CAP2: variants seen among roughly 807,000 people sequenced by gnomAD.
CAP2 encodes adenylyl cyclase-associated protein 2.
A neutral mutation model predicts 57.7 loss-of-function variants in CAP2; 24 were observed. The ratio of observed to expected loss-of-function variants is 0.42; its 90% CI spans 0.30 to 0.58. The LOEUF is 0.58. Among genes scored for constraint, CAP2 ranks in the 20% least tolerant of loss-of-function variants. The pLI is 0.22. For missense variants in CAP2, 501 were observed against 590.3 expected (o/e 0.85, Z 1.57); for synonymous variants, 194 against 207.2 (o/e 0.94, Z 0.55).
At chr6:17,397,839 T>G (rs1353922069) in intron 1 of CAP2, among the ~76,000 whole-genome samples, 1 of 152,024 alleles carries the variant, frequency 6.6e-6, no homozygotes, top group Non-Finnish European at 1.5e-5. Context: ...TTACAAAGAA[T>G]GCTGCTTTGA....
At chr6:17,504,292 G>A (rs1196648018) in intron 4 of CAP2, among the ~76,000 whole-genome samples, 1 of 152,196 alleles carries the variant, frequency 6.6e-6, no homozygotes, top group Non-Finnish European at 1.5e-5. Flanking sequence ...AGGTACTGTT[G>A]TCAACCCTAG....
chr6:17,395,657 A>G (rs184648756), intron 1 of CAP2, among the ~76,000 whole-genome samples: 43 of 152,304 alleles, frequency 2.8e-4, no homozygotes, highest in African/African-American at 9.1e-4. Flanking sequence ...TATTTTGAGC[A>G]TTATGGAGTT....
At chr6:17,488,874 A>G (rs1420561059) in intron 4 of CAP2, among the ~76,000 whole-genome samples, 1 of 152,174 alleles carries the variant, frequency 6.6e-6, no homozygotes, top group Non-Finnish European at 1.5e-5. Flanking sequence ...GCTGCTTCAT[A>G]TCTGTTCCAC....
intron 7 of CAP2, among the ~76,000 whole-genome samples, chr6:17,535,762 A>G (rs6924070): frequency 0.19 from 29,275 of 152,098 alleles, 2,892 homozygotes; most frequent in South Asian, 0.27. Context: ...TCCCAGTAAT[A>G]TGGTTGTCAT....
intron 6 of CAP2, 98 bp downstream of exon 6, chr6:17,507,824 G>T: frequency 2.8e-6 from 2 of 719,212 alleles, no homozygotes; most frequent in South Asian, 3.2e-5. Flanking sequence ...CCTTTCCAAG[G>T]CTCTACACTA....
intron 3 of CAP2, among the ~76,000 whole-genome samples, chr6:17,462,208 C>G (rs571454078): frequency 6.6e-6 from 1 of 151,956 alleles, no homozygotes; most frequent in African/African-American, 2.4e-5. Context: ...ACTGACATCT[C>G]TCCTGGGCCC....
chr6:17,514,065 T>A, intron 7 of CAP2, 111 bp downstream of exon 7: 1 of 741,178 alleles, frequency 1.3e-6, no homozygotes, highest in Non-Finnish European at 2.3e-6. Flanking sequence ...AATGTAAGAT[T>A]AAATGTCCAT....
chr6:17,494,931 T>TTTTTG (rs757845125), intron 4 of CAP2, among the ~76,000 whole-genome samples: 18 of 152,130 alleles, frequency 1.2e-4, no homozygotes, highest in East Asian at 7.7e-4. Context: ...GAAATTGGGT[T>TTTTTG]TTTTGTTTTG....
In CAP2 at chr6:17,540,884, T is replaced by C. The variant is rs552584045; in HGVS notation, c.827-89T>C. On this transcript the variant is annotated intron_variant, in intron 8 of 12. Transcript: ENST00000229922. ...AAAGTGGCCTTACCAAAAGTTCTTG[T>C]GCTCTTTATTTACATCATGTTGATC... 3.0e-5 allele frequency: 39 copies of C among 1,300,150 alleles called. 1 individual carries two copies. In the South Asian group the frequency reaches 5.6e-4, roughly 19 times the overall value. The allele number at this position is 1,300,150 out of a possible 1,614,324, so 80.5% of individuals were successfully genotyped here.
At chr6:17,439,722 C>T (rs1426390184) in intron 3 of CAP2, among the ~76,000 whole-genome samples, 1 of 151,530 alleles carries the variant, frequency 6.6e-6, no homozygotes, top group East Asian at 1.9e-4. Flanking sequence ...AGGGTTCATG[C>T]TCCTATGAGA....
At position 17,493,885 on chromosome 6, in the gene CAP2, G is replaced by A. The variant is rs566218643; in HGVS notation, c.301-13284G>A. On this transcript the variant is annotated intron_variant, in intron 4 of 12. Coordinates refer to ENST00000229922, the MANE Select transcript of CAP2 (RefSeq NM_006366.3). Reference sequence around the variant, plus strand: ...GCAGCCGAAACAGTACGTCTAAATCGGAATTCCTGGTCTTTGCGCTAAAGC... The same window carrying A: ...GCAGCCGAAACAGTACGTCTAAATCAGAATTCCTGGTCTTTGCGCTAAAGC... 9.2e-5 allele frequency among the ~76,000 whole-genome samples: 14 copies of A among 152,028 alleles called. No homozygotes were observed. In the South Asian group the frequency reaches 2.7e-3, roughly 29 times the overall value.
chr6:17,549,471 AAAAG>A (rs1026594797), intron 11 of CAP2, among the ~76,000 whole-genome samples: 18 of 152,202 alleles, frequency 1.2e-4, no homozygotes, highest in East Asian at 3.8e-4. Context: ...TCTTCAAAAA[AAAAG>A]AAAGAAAGAA....
intron 1 of CAP2, among the ~76,000 whole-genome samples, chr6:17,407,964 G>T (rs1283583976): frequency 6.6e-6 from 1 of 151,990 alleles, no homozygotes; most frequent in African/African-American, 2.4e-5. Context: ...CTTAAGAACT[G>T]ATCTTTAGGG....
chr6:17,534,466 AG>A (rs1387576626), intron 7 of CAP2, among the ~76,000 whole-genome samples: 1 of 152,208 alleles, frequency 6.6e-6, no homozygotes, highest in African/African-American at 2.4e-5. Context: ...CATCTCAGTC[AG>A]GTTCCTGGGC....
Position 17,539,391 on chromosome 6 carries a change from A to G in CAP2, c.759A>G (p.Lys253=). Residue 253 remains lysine, a synonymous_variant, in exon 8 of 13, where the codon AAA becomes AAG. Transcript: ENST00000229922. The stretch of plus-strand genomic sequence containing the variant: ...CACTTTTCGAGAATGAAGGCAAAAA[A>G]GAGGAATCTTCTCCTTCACGCTCAG... ...PPPLFENEGK[K]EESSPSRSAL... The G allele has an allele frequency of 6.2e-7, 1 of 1,614,210 alleles. No homozygotes were observed. Among genetic ancestry groups the G allele is most frequent in the Non-Finnish European group, 8.5e-7 (1 of 1,180,042 alleles).
intron 4 of CAP2, among the ~76,000 whole-genome samples, chr6:17,468,946 A>G (rs888064275): frequency 6.6e-6 from 1 of 152,256 alleles, no homozygotes; most frequent in African/African-American, 2.4e-5. Context: ...GAGCCACACT[A>G]CACGTCATTT....
At chr6:17,550,848 G>T (rs1053363684) in intron 11 of CAP2, among the ~76,000 whole-genome samples, 5 of 151,976 alleles carry the variant, frequency 3.3e-5, no homozygotes, top group African/African-American at 1.2e-4. Flanking sequence ...CCCCAGTTTT[G>T]TCTCCTGAAA....
chr6:17,405,104 C>T (rs190787371), intron 1 of CAP2, among the ~76,000 whole-genome samples: 97 of 152,106 alleles, frequency 6.4e-4, no homozygotes, highest in African/African-American at 2.1e-3. Flanking sequence ...TATATAAGGC[C>T]GGGTGTAGTG....
At chr6:17,482,897 G>A (rs1016926914) in intron 4 of CAP2, among the ~76,000 whole-genome samples, 6 of 152,318 alleles carry the variant, frequency 3.9e-5, no homozygotes, top group Non-Finnish European at 7.4e-5. Flanking sequence ...CACTCAGCCC[G>A]TAACACTAGA....
Sources: gnomAD v4.1 joint callset for allele counts (sites outside exome capture counted in the v4.1 genomes callset) on GRCh38, gnomAD v4.1.1 for gene constraint, MANE v1.5 for transcripts, NCBI Gene and HGNC (gene_info 2026-07-23, HGNC 2026-07-21) for gene names.